Variants in KCNMA1 observed in about 807,000 individuals in gnomAD.
The protein encoded by KCNMA1 is Calcium-activated potassium channel subunit alpha-1.
Under a neutral mutation model 140.0 loss-of-function variants are expected in KCNMA1, and 29 were observed. That is an observed-to-expected ratio of 0.21 (90% CI 0.15 to 0.28). KCNMA1 has a LOEUF of 0.28. KCNMA1 is among the 10% of genes least tolerant of loss of function. KCNMA1 has a pLI of 1.00. For missense variants in KCNMA1, 880 were observed against 1,602.2 expected, an observed-to-expected ratio of 0.55 and a Z score of 7.70; for synonymous variants, 612 against 611.9, an observed-to-expected ratio of 1.00 and a Z score of 0.00.
At chr10:77,141,217 C>T (rs1401662829) in intron 5 of KCNMA1, among the ~76,000 whole-genome samples, 1 of 152,128 alleles carries the variant, frequency 6.6e-6, no homozygotes, top group Admixed American at 6.6e-5. Flanking sequence ...CTTGGCCCAC[C>T]CCCTGCTTCT....
chr10:77,618,551 G>A (rs1472361674), intron 1 of KCNMA1, among the ~76,000 whole-genome samples: 1 of 152,158 alleles, frequency 6.6e-6, no homozygotes, highest in Non-Finnish European at 1.5e-5. Flanking sequence ...GAAACAGGAT[G>A]GCCCAGCAGC....
chr10:77,215,536 T>G lies in KCNMA1; in HGVS notation c.603-30620A>C, dbSNP rs181534857. Among the ~76,000 whole-genome samples, 258 of 152,222 alleles carry G rather than the reference T, an allele frequency of 1.7e-3. No individual in the cohort carries two copies. In the Middle Eastern group the frequency reaches 0.02, roughly 12 times the overall value. On this transcript the variant is annotated intron_variant, in intron 3 of 27. Transcript: ENST00000286628. ...CATTAGATAAATAAATAAATGACTA[T>G]GGTATTGGCATCTATAATATGCAGA...
At chr10:77,070,678 A>AC (rs531839065) in intron 14 of KCNMA1, among the ~76,000 whole-genome samples, 1 of 151,568 alleles carries the variant, frequency 6.6e-6, no homozygotes, top group Non-Finnish European at 1.5e-5. Flanking sequence ...TTTTCCACCT[A>AC]CCCCCCACCC....
chr10:77,271,026 C>A (rs2064978068), intron 2 of KCNMA1, among the ~76,000 whole-genome samples: 2 of 152,158 alleles, frequency 1.3e-5, no homozygotes, highest in African/African-American at 4.8e-5. Flanking sequence ...ACTAGAAATA[C>A]TTCATGCACC....
At chr10:77,504,493 C>A (rs1396540012) in intron 1 of KCNMA1, among the ~76,000 whole-genome samples, 1 of 152,262 alleles carries the variant, frequency 6.6e-6, no homozygotes, top group South Asian at 2.1e-4. Context: ...AAAGAAGAAA[C>A]TTTTACCTCC....
intron 1 of KCNMA1, among the ~76,000 whole-genome samples, chr10:77,436,047 C>A (rs2154501153): frequency 6.6e-6 from 1 of 152,344 alleles, no homozygotes. Context: ...GAAATGAAGG[C>A]AATGACTTGG....
intron 5 of KCNMA1, among the ~76,000 whole-genome samples, chr10:77,151,805 CTAAT>C (rs1408713046): frequency 2.0e-5 from 3 of 152,202 alleles, no homozygotes; most frequent in Admixed American, 6.5e-5. Flanking sequence ...TTGCAACTCA[CTAAT>C]TAAGAGAGAT....
intron 20 of KCNMA1, among the ~76,000 whole-genome samples, chr10:76,956,612 G>T (rs181460696): frequency 6.6e-6 from 1 of 152,264 alleles, no homozygotes; most frequent in Admixed American, 6.5e-5. Flanking sequence ...CCTATTCTGA[G>T]CATGGAATGG....
chr10:76,912,111 AC>A (rs756811114), intron 24 of KCNMA1: 35 of 152,202 alleles, frequency 2.3e-4, no homozygotes, highest in Non-Finnish European at 1.5e-4. Context: ...GTTCTGAAAT[AC>A]CCAGTCTCAG....
chr10:77,235,073 G>T (rs1358585465), intron 3 of KCNMA1, among the ~76,000 whole-genome samples: 1 of 152,102 alleles, frequency 6.6e-6, no homozygotes, highest in Admixed American at 6.6e-5. Flanking sequence ...ATGAATTTTG[G>T]AAGAAGCATA....
chr10:77,089,866 T>C, intron 10 of KCNMA1, among the ~76,000 whole-genome samples: 1 of 152,184 alleles, frequency 6.6e-6, no homozygotes, highest in East Asian at 1.9e-4. Context: ...GTATTTTTAC[T>C]CTGTTTGTGG....
At chr10:77,029,608 C>G (rs1404740078) in intron 15 of KCNMA1, among the ~76,000 whole-genome samples, 1 of 152,098 alleles carries the variant, frequency 6.6e-6, no homozygotes, top group East Asian at 1.9e-4. Flanking sequence ...ATGACAAGTT[C>G]TATGTTGAAA....
chr10:77,253,664 T>C (rs2060120706), intron 2 of KCNMA1, among the ~76,000 whole-genome samples: 1 of 151,998 alleles, frequency 6.6e-6, no homozygotes, highest in Admixed American at 6.5e-5. Flanking sequence ...GGAAATAACC[T>C]CCACAGCTCC....
chr10:77,586,975 A>G (rs2154563947), intron 1 of KCNMA1: 2 of 152,338 alleles, frequency 1.3e-5, no homozygotes, highest in Admixed American at 1.3e-4. Flanking sequence ...TACAACCAGG[A>G]TGGTTGGTCT....
intron 3 of KCNMA1, among the ~76,000 whole-genome samples, chr10:77,238,703 G>A (rs1441614528): frequency 1.3e-5 from 2 of 152,240 alleles, no homozygotes; most frequent in Non-Finnish European, 2.9e-5. Context: ...TTAACCTTCG[G>A]GTTTGAAGAT....
intron 2 of KCNMA1, among the ~76,000 whole-genome samples, chr10:77,274,345 AG>A (rs753291712): frequency 2.4e-4 from 36 of 152,170 alleles, no homozygotes; most frequent in Admixed American, 1.3e-4. Context: ...CTTCCAAAGA[AG>A]GGCAGTGAGG....
intron 4 of KCNMA1, 44 bp from the exon 5 acceptor site, chr10:77,183,576 A>C (rs201128474): frequency 2.5e-5 from 34 of 1,336,814 alleles, no homozygotes; most frequent in Non-Finnish European, 3.6e-5. Flanking sequence ...CATGAGAAGC[A>C]TGGTGCTGGC....
At chr10:77,225,648 C>T (rs2051107739) in intron 3 of KCNMA1, among the ~76,000 whole-genome samples, 1 of 152,158 alleles carries the variant, frequency 6.6e-6, no homozygotes, top group Non-Finnish European at 1.5e-5. Flanking sequence ...GTCGTAGGTG[C>T]CCACGGGACT....
At chr10:77,085,815 C>A (rs1488015072) in intron 11 of KCNMA1, among the ~76,000 whole-genome samples, 1 of 152,144 alleles carries the variant, frequency 6.6e-6, no homozygotes, top group Non-Finnish European at 1.5e-5. Context: ...CCCTGGCATG[C>A]AAATATTGAA....
Sources: allele counts gnomAD v4.1 joint callset (sites outside exome capture counted in the v4.1 genomes callset), GRCh38; gene constraint gnomAD v4.1.1; transcripts MANE v1.5; gene names NCBI Gene and HGNC (gene_info 2026-07-23, HGNC 2026-07-21).